The following ITGA9 variants were observed in gnomAD, a reference collection of about 807,000 sequenced individuals.
The protein encoded by ITGA9 is integrin subunit alpha 9.
Under a neutral mutation model 127.8 loss-of-function variants are expected in ITGA9, and 56 were observed. The ratio of observed to expected loss-of-function variants is 0.44; its 90% confidence interval spans 0.35 to 0.55. The LOEUF is 0.55. Ranked by LOEUF, ITGA9 falls within the 20% of genes least tolerant of loss-of-function variation. The probability of loss-of-function intolerance (pLI) is 0.00; values close to 1 mark genes in which losing one functional copy is unlikely to be tolerated. For synonymous variants in ITGA9, 508 were observed against 514.5 expected (o/e 0.99, Z 0.17); for missense variants, 1,196 against 1,347.1 (o/e 0.89, Z 1.76).
intron 3 of ITGA9, among the ~76,000 whole-genome samples, chr3:37,480,067 A>C (rs1250038714): frequency 6.6e-6 from 1 of 152,150 alleles, no homozygotes; most frequent in Non-Finnish European, 1.5e-5. Context: ...ATCAGAAGTG[A>C]GTAGTGAATG....
chr3:37,644,061 A>G (rs1205280117), intron 16 of ITGA9, among the ~76,000 whole-genome samples: 1 of 152,232 alleles, frequency 6.6e-6, no homozygotes, highest in Non-Finnish European at 1.5e-5. Flanking sequence ...GTGAAAAAGG[A>G]GAATTTCTAG....
chr3:37,556,451 G>T (rs1196581717), intron 15 of ITGA9, among the ~76,000 whole-genome samples: 2 of 152,212 alleles, frequency 1.3e-5, no homozygotes, highest in African/African-American at 2.4e-5. Context: ...AGAAATGTGG[G>T]AAGAGAAGAG....
intron 8 of ITGA9, 68 bp from the exon 9 acceptor site, chr3:37,513,695 G>A: frequency 1.2e-6 from 2 of 1,601,238 alleles, no homozygotes; most frequent in Non-Finnish European, 1.7e-6. Context: ...ATGGGGTGGA[G>A]GAAAGCGAGG....
intron 23 of ITGA9, among the ~76,000 whole-genome samples, chr3:37,773,080 T>C (rs977834930): frequency 6.6e-6 from 1 of 152,240 alleles, no homozygotes; most frequent in African/African-American, 2.4e-5. Flanking sequence ...TGTGGCCAGA[T>C]GACAGTGCTA....
At chr3:37,660,822 A>C (rs983208040) in intron 17 of ITGA9, among the ~76,000 whole-genome samples, 18 of 152,226 alleles carry the variant, frequency 1.2e-4, no homozygotes, top group African/African-American at 4.3e-4. Context: ...AGCAGAGGGT[A>C]GGTTCTAGGC....
chr3:37,803,340 C>T (rs1697255856), intron 26 of ITGA9, among the ~76,000 whole-genome samples: 2 of 152,112 alleles, frequency 1.3e-5, no homozygotes, highest in Non-Finnish European at 2.9e-5. Context: ...TTTCAGGTGC[C>T]AGTGAAAAAT....
intron 15 of ITGA9, among the ~76,000 whole-genome samples, chr3:37,580,184 T>C (rs1306913398): frequency 1.3e-5 from 2 of 152,184 alleles, no homozygotes; most frequent in African/African-American, 2.4e-5. Context: ...TTTTCACTCT[T>C]TTTTTCAAGT....
At chr3:37,492,838 T>C (rs927268227) in intron 4 of ITGA9, among the ~76,000 whole-genome samples, 8 of 152,240 alleles carry the variant, frequency 5.3e-5, no homozygotes, top group Non-Finnish European at 1.0e-4. Context: ...TGTAACTGTT[T>C]GTTTAGGTTG....
intron 15 of ITGA9, chr3:37,585,701 T>TA (rs1301154789): frequency 2.0e-6 from 1 of 502,644 alleles, no homozygotes; most frequent in Non-Finnish European, 4.0e-6. Context: ...GTAACAATAG[T>TA]AATTGCCTTA....
At chr3:37,726,434 G>A (rs1196965068) in intron 18 of ITGA9, among the ~76,000 whole-genome samples, 2 of 152,232 alleles carry the variant, frequency 1.3e-5, no homozygotes, top group African/African-American at 2.4e-5. Flanking sequence ...TGTTCCCAAA[G>A]AGCACCATAT....
chr3:37,494,024 C>T (rs1698700006), intron 4 of ITGA9, among the ~76,000 whole-genome samples: 1 of 152,114 alleles, frequency 6.6e-6, no homozygotes, highest in South Asian at 2.1e-4. Context: ...TCTTGCGGTC[C>T]TCTGTGGACG....
intron 15 of ITGA9, among the ~76,000 whole-genome samples, chr3:37,610,284 T>C (rs1050743016): frequency 2.0e-5 from 3 of 152,324 alleles, no homozygotes; most frequent in Non-Finnish European, 4.4e-5. Context: ...ATTATTTTTT[T>C]CATTCTCTAA....
At chr3:37,514,501 G>T (rs143226773) in intron 9 of ITGA9, among the ~76,000 whole-genome samples, 3 of 152,194 alleles carry the variant, frequency 2.0e-5, no homozygotes, top group Non-Finnish European at 4.4e-5. Context: ...GTGGGTTGGG[G>T]TGTGAGGTGG....
At chr3:37,784,826 G>A (rs73825421) in intron 25 of ITGA9, 151 bp from the exon 26 acceptor site, 8,082 of 682,626 alleles carry the variant, frequency 0.012, 83 homozygotes, top group Non-Finnish European at 0.015. Flanking sequence ...TGTTTATGTG[G>A]GTGCCTGGGA....
chr3:37,493,869 G>A (rs750067955), intron 4 of ITGA9, among the ~76,000 whole-genome samples: 4 of 152,158 alleles, frequency 2.6e-5, no homozygotes, highest in Non-Finnish European at 4.4e-5. Flanking sequence ...GCAGCAGAAC[G>A]CCCCCATTTG....
At chr3:37,486,924 G>A (rs966953841) in intron 4 of ITGA9, among the ~76,000 whole-genome samples, 12 of 152,166 alleles carry the variant, frequency 7.9e-5, no homozygotes, top group Admixed American at 5.2e-4. Context: ...GTGTGTGTTT[G>A]CATTTCCTAG....
chr3:37,645,908 TG>T (rs1221598886), intron 16 of ITGA9, among the ~76,000 whole-genome samples: 1 of 152,148 alleles, frequency 6.6e-6, no homozygotes, highest in Non-Finnish European at 1.5e-5. Context: ...ACATCCTCTC[TG>T]AAGTCACCCT....
At chr3:37,621,433 A>C (rs1024797600) in intron 15 of ITGA9, among the ~76,000 whole-genome samples, 1 of 152,174 alleles carries the variant, frequency 6.6e-6, no homozygotes, top group Non-Finnish European at 1.5e-5. Flanking sequence ...CCCTGCCTGG[A>C]TGCCGGTACC....
chr3:37,759,693 G>A (rs1019319502), intron 23 of ITGA9, among the ~76,000 whole-genome samples: 1 of 147,618 alleles, frequency 6.8e-6, no homozygotes, highest in Admixed American at 6.7e-5. Context: ...CCTGAGGTCA[G>A]GAGTTGGAGA....
Sources: gnomAD v4.1 joint callset for allele counts (sites outside exome capture counted in the v4.1 genomes callset) on GRCh38, gnomAD v4.1.1 for gene constraint, MANE v1.5 for transcripts, NCBI Gene and HGNC (gene_info 2026-07-23, HGNC 2026-07-21) for gene names.